The following NBAS variants were observed in gnomAD, a reference collection of about 807,000 sequenced individuals.
NBAS encodes the protein NAG/BC035112 fusion.
A neutral mutation model predicts 302.5 loss-of-function variants in NBAS; 219 were observed. That is an observed-to-expected ratio of 0.72 (90% confidence interval 0.65 to 0.81). The LOEUF (loss-of-function observed/expected upper bound fraction) is 0.81, where lower values mean the gene tolerates loss of function less well. NBAS is among the 30% of genes least tolerant of loss of function. NBAS has a pLI of 0.00. For missense variants in NBAS, 2,932 were observed against 2,841.6 expected, an observed-to-expected ratio of 1.03 and a Z score of -0.72; for synonymous variants, 1,118 against 1,021.6, an observed-to-expected ratio of 1.09 and a Z score of -1.80.
At chr2:15,343,973 A>T (rs920208068) in intron 35 of NBAS, among the ~76,000 whole-genome samples, 2 of 151,576 alleles carry the variant, frequency 1.3e-5, no homozygotes, top group African/African-American at 4.8e-5. Context: ...TCTGAAAAAA[A>T]AAAAAAACAC....
intron 28 of NBAS, among the ~76,000 whole-genome samples, chr2:15,389,493 G>A (rs1053680109): frequency 6.6e-6 from 1 of 152,178 alleles, no homozygotes; most frequent in African/African-American, 2.4e-5. Flanking sequence ...AAAAAGAGTT[G>A]ATGGTATACT....
At chr2:14,798,235 G>A in the NBAS span, among the ~76,000 whole-genome samples, 1 of 152,126 alleles carries the variant, frequency 6.6e-6, no homozygotes, top group Non-Finnish European at 1.5e-5. Context: ...CTTTTTGGAG[G>A]TGCCATTTAT....
At chr2:14,853,948 G>A in the NBAS span, among the ~76,000 whole-genome samples, 1 of 133,210 alleles carries the variant, frequency 7.5e-6, no homozygotes, top group Non-Finnish European at 1.6e-5. Context: ...GGGAGGGATA[G>A]CATTGGGAGA....
chr2:15,381,302 A>G (rs1343723324), intron 29 of NBAS, among the ~76,000 whole-genome samples: 1 of 152,178 alleles, frequency 6.6e-6, no homozygotes, highest in Non-Finnish European at 1.5e-5. Context: ...AAAATCTAAC[A>G]ACCAAGTCAC....
intron 11 of NBAS, among the ~76,000 whole-genome samples, chr2:15,500,412 C>A (rs1661455267): frequency 6.6e-6 from 1 of 151,508 alleles, no homozygotes; most frequent in African/African-American, 2.4e-5. Flanking sequence ...TTGTTTTACA[C>A]TGTAGGAAGT....
the NBAS span, among the ~76,000 whole-genome samples, chr2:14,997,454 T>C: frequency 1.9e-5 from 1 of 53,912 alleles, no homozygotes; most frequent in Non-Finnish European, 4.8e-5. Context: ...CCTGTGCTTG[T>C]TTTTTTTTTT....
At chr2:15,230,084 G>A (rs1175643561) in intron 47 of NBAS, among the ~76,000 whole-genome samples, 3 of 152,162 alleles carry the variant, frequency 2.0e-5, no homozygotes, top group Non-Finnish European at 2.9e-5. Flanking sequence ...GGCTTGGTAT[G>A]TCAACAAGAG....
chr2:14,854,559 G>C, the NBAS span, among the ~76,000 whole-genome samples: 1 of 151,576 alleles, frequency 6.6e-6, no homozygotes, highest in African/African-American at 2.4e-5. Flanking sequence ...AAAAAGTCCA[G>C]AAATTGCAGA....
At chr2:14,977,694 C>T in the NBAS span, among the ~76,000 whole-genome samples, 2 of 152,130 alleles carry the variant, frequency 1.3e-5, no homozygotes, top group African/African-American at 4.8e-5. Flanking sequence ...TGGCACCTGA[C>T]CTAAGCTTGG....
intron 19 of NBAS, among the ~76,000 whole-genome samples, 190 bp from the exon 20 acceptor site, chr2:15,461,981 TAATA>T (rs1679526266): frequency 6.6e-6 from 1 of 152,250 alleles, no homozygotes; most frequent in South Asian, 2.1e-4. Flanking sequence ...AGGGCTATAT[TAATA>T]AATGTTATTT....
chr2:15,483,283 C>A, intron 12 of NBAS: 1 of 356,482 alleles, frequency 2.8e-6, no homozygotes, highest in Non-Finnish European at 5.8e-6. Flanking sequence ...ATTGTGAAAA[C>A]AGCTGTGGAT....
the NBAS span, among the ~76,000 whole-genome samples, chr2:14,847,836 T>C: frequency 1.2e-4 from 19 of 152,324 alleles, no homozygotes; most frequent in South Asian, 3.7e-3. Context: ...ATACATGCTT[T>C]TTCTCAGCAA....
chr2:14,939,124 G>A, the NBAS span, among the ~76,000 whole-genome samples: 32 of 152,346 alleles, frequency 2.1e-4, no homozygotes, highest in South Asian at 4.1e-4. Flanking sequence ...GGTCCTGGGA[G>A]GGTTAGGTGT....
intron 21 of NBAS, among the ~76,000 whole-genome samples, chr2:15,446,201 G>A (rs1678732886): frequency 6.6e-6 from 1 of 151,880 alleles, no homozygotes; most frequent in South Asian, 2.1e-4. Context: ...ATAGATCCAA[G>A]GAACTTGATA....
intron 42 of NBAS, among the ~76,000 whole-genome samples, chr2:15,278,491 A>G (rs1669687699): frequency 6.6e-6 from 1 of 152,174 alleles, no homozygotes; most frequent in South Asian, 2.1e-4. Context: ...CACAGACCTT[A>G]TTACATCATC....
chr2:15,501,722 C>A (rs1334237389), intron 11 of NBAS, among the ~76,000 whole-genome samples: 1 of 150,768 alleles, frequency 6.6e-6, no homozygotes, highest in Non-Finnish European at 1.5e-5. Flanking sequence ...TATGGTTATA[C>A]AGGAAAGCAG....
At position 15,556,574 on chromosome 2, in the gene NBAS, T is replaced by C. The variant is rs536973525; in HGVS notation, c.209+209A>G. Among the ~76,000 whole-genome samples, 10 of 152,334 alleles carry C rather than the reference T, an allele frequency of 6.6e-5. No homozygotes were observed. The South Asian group carries it at 1.2e-3, about 19-fold the overall frequency. On this transcript the variant is annotated intron_variant, in intron 3 of 51. Transcript: ENST00000281513. ...AGAAATTGTCATGAGACATTCTTAA[T>C]AGTAACTAAGGGAACAAAAACTACC...
intron 47 of NBAS, among the ~76,000 whole-genome samples, chr2:15,229,361 A>C (rs551401386): frequency 0.02 from 2,910 of 147,506 alleles, 130 homozygotes; most frequent in African/African-American, 0.06. Flanking sequence ...AAAAAAAAAA[A>C]AAAAAAAAAA....
chr2:15,030,721 G>C, the NBAS span, among the ~76,000 whole-genome samples: 2 of 152,126 alleles, frequency 1.3e-5, no homozygotes, highest in Non-Finnish European at 2.9e-5. Flanking sequence ...TCTACAGCTG[G>C]GTTTCTCAGC....
Sources: allele counts gnomAD v4.1 joint callset (sites outside exome capture counted in the v4.1 genomes callset), GRCh38; gene constraint gnomAD v4.1.1; transcripts MANE v1.5; gene names NCBI Gene and HGNC (gene_info 2026-07-23, HGNC 2026-07-21).